PITPNC1: variants seen among roughly 807,000 people sequenced by gnomAD.
PITPNC1 encodes cytoplasmic phosphatidylinositol transfer protein 1.
Under a neutral mutation model 44.7 loss-of-function variants are expected in PITPNC1, and 18 were observed. The ratio of observed to expected loss-of-function variants is 0.40; its 90% confidence interval spans 0.28 to 0.60. The LOEUF (loss-of-function observed/expected upper bound fraction) is 0.60. Ranked by LOEUF, PITPNC1 falls within the 20% of genes least tolerant of loss-of-function variation. PITPNC1 has a pLI of 0.39. For missense variants in PITPNC1, 290 were observed against 418.4 expected (o/e 0.69, Z 2.68); for synonymous variants, 141 against 149.6 (o/e 0.94, Z 0.42).
chr17:67,686,555 A>C (rs1215961834), intron 8 of PITPNC1, among the ~76,000 whole-genome samples: 2 of 152,172 alleles, frequency 1.3e-5, no homozygotes, highest in Non-Finnish European at 2.9e-5. Flanking sequence ...AAGTTGCACC[A>C]AATCTCAATT....
At chr17:67,663,554 C>G (rs145997656) in intron 6 of PITPNC1, among the ~76,000 whole-genome samples, 1 of 150,112 alleles carries the variant, frequency 6.7e-6, no homozygotes, top group Non-Finnish European at 1.5e-5. Context: ...GGCAACACAG[C>G]GAGACTCCAT....
At chr17:67,475,558 G>A (rs967502221) in intron 1 of PITPNC1, among the ~76,000 whole-genome samples, 4 of 152,218 alleles carry the variant, frequency 2.6e-5, no homozygotes, top group South Asian at 2.1e-4. Flanking sequence ...CAGAGGCTGC[G>A]ACGACCTCGT....
At chr17:67,586,685 A>G (rs917380102) in intron 5 of PITPNC1, among the ~76,000 whole-genome samples, 4 of 152,164 alleles carry the variant, frequency 2.6e-5, no homozygotes, top group African/African-American at 9.7e-5. Flanking sequence ...CCTAACCATG[A>G]TTCCACTGCC....
In PITPNC1 at chr17:67,695,082, A is replaced by G. The variant is rs550700436; in HGVS notation, c.*2194A>G. On this transcript the variant is annotated 3_prime_UTR_variant, in exon 9 of 9. Coordinates refer to ENST00000581322, the MANE Select transcript of PITPNC1 (RefSeq NM_012417.4). ...ACAATTCTATATGCTTTAGGAAGCT[A>G]AGTTCTAATTTCCTTTTGTGAGTTT... The G allele has an allele frequency of 1.3e-5, 2 of 152,214 alleles. No homozygotes were observed. The highest frequency in any genetic ancestry group is 2.9e-5 in the Non-Finnish European group (2 of 68,032). 9.4% of individuals were successfully genotyped at this position (152,214 alleles called of 1,614,324 possible). A position where few individuals can be genotyped will look rare whatever the true frequency, so the allele number is the denominator to read the frequency against.
chr17:67,624,015 A>G (rs963230675), intron 5 of PITPNC1, among the ~76,000 whole-genome samples: 3 of 152,142 alleles, frequency 2.0e-5, no homozygotes, highest in Non-Finnish European at 2.9e-5. Context: ...TCCCTACTCA[A>G]TTATCACCAC....
chr17:67,587,563 T>A (rs929883355), intron 5 of PITPNC1, among the ~76,000 whole-genome samples: 1 of 152,112 alleles, frequency 6.6e-6, no homozygotes, highest in African/African-American at 2.4e-5. Context: ...GGGTCATGAT[T>A]TTTATCTAGG....
At chr17:67,603,216 G>T (rs1406646607) in intron 5 of PITPNC1, among the ~76,000 whole-genome samples, 1 of 152,146 alleles carries the variant, frequency 6.6e-6, no homozygotes, top group Non-Finnish European at 1.5e-5. Context: ...AGTACAGCTG[G>T]AGCAAGCAGG....
Position 67,377,365 on chromosome 17 carries a change from G to C in PITPNC1, c.-790G>C, listed in dbSNP as rs1056325749. The C allele has an allele frequency of 5.9e-5, 9 of 152,274 alleles. No individual in the cohort carries two copies. Among genetic ancestry groups the C allele is most frequent in the African/African-American group, 2.2e-4 (9 of 41,546 alleles). The allele number at this position is 152,274 out of a possible 1,614,324, so 9.4% of individuals were successfully genotyped here. On this transcript the variant is annotated 5_prime_UTR_variant, in exon 1 of 9. Transcript: ENST00000581322. ...GAGGTGGCTGCAAACTCGCGGGCAC[G>C]CACGGCGCCCGGGGAGCCGAGGGAC...
rs148811882 is a variant in PITPNC1 at position 67,450,246 on chromosome 17, C to T, written c.48+72044C>T. Among the ~76,000 whole-genome samples the T allele has an allele frequency of 8.4e-3, 1,278 of 152,210 alleles. 13 individuals are homozygous for T. The highest frequency in any genetic ancestry group is 0.029 in the African/African-American group (1,201 of 41,516). On this transcript the variant is annotated intron_variant, in intron 1 of 8. Transcript: ENST00000581322. ...CAATGGGCTGTGTGAATGCAAACTG[C>T]GTTTTCTTCAATTGCTATCAATTAG...
intron 6 of PITPNC1, among the ~76,000 whole-genome samples, chr17:67,659,274 C>T (rs1406508641): frequency 6.6e-6 from 1 of 152,172 alleles, no homozygotes; most frequent in African/African-American, 2.4e-5. Context: ...CAATTCTGCA[C>T]TCTTGACTGG....
chr17:67,551,059 T>TCAAAA (rs955244220), intron 2 of PITPNC1, among the ~76,000 whole-genome samples: 26 of 151,920 alleles, frequency 1.7e-4, no homozygotes, highest in African/African-American at 4.8e-4. Context: ...AGACTCCGTG[T>TCAAAA]CAAAACAAAA....
At chr17:67,575,059 G>A (rs1342671011) in intron 4 of PITPNC1, among the ~76,000 whole-genome samples, 1 of 151,960 alleles carries the variant, frequency 6.6e-6, no homozygotes, top group African/African-American at 2.4e-5. Context: ...TAGAGGTTCA[G>A]TGGGTAAAAA....
At chr17:67,482,104 A>G (rs1199029548) in intron 1 of PITPNC1, among the ~76,000 whole-genome samples, 2 of 150,978 alleles carry the variant, frequency 1.3e-5, no homozygotes, top group African/African-American at 4.9e-5. Context: ...CTGACTGACT[A>G]ACAGTAATTT....
chr17:67,536,361 C>T (rs2040528317), intron 2 of PITPNC1, among the ~76,000 whole-genome samples: 1 of 152,084 alleles, frequency 6.6e-6, no homozygotes, highest in South Asian at 2.1e-4. Context: ...GTAGCTGGGA[C>T]TACAAGTGTG....
At chr17:67,451,707 C>T (rs1246702700) in intron 1 of PITPNC1, among the ~76,000 whole-genome samples, 28 of 150,558 alleles carry the variant, frequency 1.9e-4, no homozygotes, top group Non-Finnish European at 2.1e-4. Context: ...GGCGCGATCT[C>T]GGCTCACTGC....
chr17:67,608,953 T>G (rs1214717809), intron 5 of PITPNC1, among the ~76,000 whole-genome samples: 1 of 152,196 alleles, frequency 6.6e-6, no homozygotes, highest in Non-Finnish European at 1.5e-5. Context: ...TTAGCAATAC[T>G]GAGTCATTGT....
intron 1 of PITPNC1, among the ~76,000 whole-genome samples, chr17:67,506,543 G>A (rs554545748): frequency 6.6e-6 from 1 of 152,216 alleles, no homozygotes; most frequent in Admixed American, 6.5e-5. Flanking sequence ...TTTAAATAAT[G>A]TATTTGCTAT....
At chr17:67,681,787 G>A (rs879707219) in intron 8 of PITPNC1, among the ~76,000 whole-genome samples, 3 of 151,958 alleles carry the variant, frequency 2.0e-5, no homozygotes, top group Admixed American at 6.6e-5. Context: ...AAATTTAAGA[G>A]TGATTATATC....
At position 67,641,415 on chromosome 17, in the gene PITPNC1, G is replaced by A. The variant is rs145299736; in HGVS notation, c.462+9177G>A. On this transcript the variant is annotated intron_variant, in intron 6 of 8. Transcript: ENST00000581322. ...AAACTCACACTATGCACACCATCTC[G>A]CAACATGCATTATTTCACTAACCAC... Among the ~76,000 whole-genome samples, 48 of 152,094 alleles carry A rather than the reference G, an allele frequency of 3.2e-4. No individual in the cohort carries two copies. In the East Asian group the frequency reaches 8.7e-3, roughly 28 times the overall value.
Sources: allele counts gnomAD v4.1 joint callset (sites outside exome capture counted in the v4.1 genomes callset), GRCh38; gene constraint gnomAD v4.1.1; transcripts MANE v1.5; gene names NCBI Gene and HGNC (gene_info 2026-07-23, HGNC 2026-07-21).